Variants in USH2A observed in about 807,000 individuals in gnomAD.
The protein encoded by USH2A is usherin, also known as Usher syndrome 2A (autosomal recessive, mild).
A neutral mutation model predicts 538.9 loss-of-function variants in USH2A; 443 were observed. The ratio of observed to expected loss-of-function variants is 0.82; its 90% CI spans 0.76 to 0.89. The LOEUF is 0.89. Ranked by LOEUF, USH2A falls within the 40% of genes least tolerant of loss-of-function variation. The pLI is 0.00. For missense variants in USH2A, 6,633 were observed against 6,324.8 expected, an observed-to-expected ratio of 1.05 and a Z score of -1.65; for synonymous variants, 2,413 against 2,273.5, an observed-to-expected ratio of 1.06 and a Z score of -1.75.
intron 14 of USH2A, among the ~76,000 whole-genome samples, chr1:216,221,615 A>G (rs1488208135): frequency 6.6e-6 from 1 of 152,190 alleles, no homozygotes; most frequent in Non-Finnish European, 1.5e-5. Flanking sequence ...TGAATTTCCC[A>G]GGCACAAATA....
At chr1:215,631,011 T>C (rs551361800) in intron 70 of USH2A, among the ~76,000 whole-genome samples, 2 of 152,318 alleles carry the variant, frequency 1.3e-5, no homozygotes, top group Non-Finnish European at 2.9e-5. Flanking sequence ...TTAGCTATAC[T>C]GTATACTGTA....
At chr1:215,743,918 A>T (rs1175216821) in intron 58 of USH2A, among the ~76,000 whole-genome samples, 1 of 152,178 alleles carries the variant, frequency 6.6e-6, no homozygotes, top group Non-Finnish European at 1.5e-5. Context: ...TAGATTGTGT[A>T]TTCCAAAAGT....
At chr1:215,957,010 T>C (rs1667084203) in intron 37 of USH2A, among the ~76,000 whole-genome samples, 1 of 152,196 alleles carries the variant, frequency 6.6e-6, no homozygotes, top group African/African-American at 2.4e-5. Flanking sequence ...ATGGCCATAA[T>C]TTGTAGTCCA....
intron 4 of USH2A, among the ~76,000 whole-genome samples, chr1:216,328,683 A>G (rs1480084084): frequency 6.6e-6 from 1 of 151,962 alleles, no homozygotes; most frequent in Non-Finnish European, 1.5e-5. Flanking sequence ...GAGTGAGGAT[A>G]TGGCTGATAA....
intron 71 of USH2A, among the ~76,000 whole-genome samples, chr1:215,628,307 G>C (rs1656130691): frequency 6.6e-6 from 1 of 151,996 alleles, no homozygotes; most frequent in African/African-American, 2.4e-5. Flanking sequence ...TTTATTTTGA[G>C]ATGGAGTCTC....
At chr1:216,011,971 ATTTTTTTTTTT>A (rs36126185) in intron 32 of USH2A, among the ~76,000 whole-genome samples, 1 of 28,488 alleles carries the variant, frequency 3.5e-5, no homozygotes, top group African/African-American at 1.5e-4. Context: ...ATCACGCTTG[ATTTTTTTTTTT>A]TTTTTTTTTT....
intron 16 of USH2A, among the ~76,000 whole-genome samples, chr1:216,201,293 A>T (rs1172399965): frequency 6.7e-6 from 1 of 148,858 alleles, no homozygotes; most frequent in Non-Finnish European, 1.5e-5. Context: ...AAACCTAGGC[A>T]TTCCCAGTCT....
chr1:215,698,087 C>T (rs563503965), intron 61 of USH2A, among the ~76,000 whole-genome samples: 1 of 152,242 alleles, frequency 6.6e-6, no homozygotes, highest in African/African-American at 2.4e-5. Context: ...GTTTGGTTTT[C>T]TGTTTCTGTG....
intron 38 of USH2A, among the ~76,000 whole-genome samples, chr1:215,906,793 C>CT (rs1427939210): frequency 6.6e-6 from 1 of 151,976 alleles, no homozygotes; most frequent in African/African-American, 2.4e-5. Flanking sequence ...ATGGAGAAGT[C>CT]TTCATGTTAG....
chr1:216,016,591 T>C (rs1194929788), intron 32 of USH2A, among the ~76,000 whole-genome samples: 1 of 152,142 alleles, frequency 6.6e-6, no homozygotes, highest in South Asian at 2.1e-4. Context: ...CTCTACTGAG[T>C]TGCCCTTTTA....
chr1:216,268,132 G>A (rs11120749), intron 11 of USH2A, among the ~76,000 whole-genome samples: 2,865 of 152,036 alleles, frequency 0.019, 93 homozygotes, highest in African/African-American at 0.063. Flanking sequence ...TAAAATTGAG[G>A]GTTCTGTGGC....
chr1:215,644,789 G>T (rs935079958), intron 67 of USH2A, among the ~76,000 whole-genome samples: 1 of 152,168 alleles, frequency 6.6e-6, no homozygotes, highest in African/African-American at 2.4e-5. Context: ...GTGGAAGAGA[G>T]GATATGGGCA....
At chr1:215,892,011 T>C (rs1422231430) in intron 40 of USH2A, among the ~76,000 whole-genome samples, 4 of 152,206 alleles carry the variant, frequency 2.6e-5, no homozygotes, top group African/African-American at 9.7e-5. Context: ...AAATTATCTT[T>C]TATGGGAAAC....
chr1:215,738,162 G>T (rs1476332458), intron 60 of USH2A, among the ~76,000 whole-genome samples: 1 of 152,062 alleles, frequency 6.6e-6, no homozygotes, highest in African/African-American at 2.4e-5. Context: ...GTAGACGTAA[G>T]TGATGAGATT....
chr1:216,143,733 G>T (rs1211025397), intron 21 of USH2A, among the ~76,000 whole-genome samples: 3 of 152,146 alleles, frequency 2.0e-5, no homozygotes, highest in Non-Finnish European at 4.4e-5. Flanking sequence ...TGAAACTAAA[G>T]ACCAATTAAC....
At chr1:215,987,855 CACA>C (rs1489715218) in intron 35 of USH2A, among the ~76,000 whole-genome samples, 1 of 152,114 alleles carries the variant, frequency 6.6e-6, no homozygotes, top group Non-Finnish European at 1.5e-5. Flanking sequence ...AAGTAAATTC[CACA>C]ACAACTCAAA....
chr1:216,008,127 A>T (rs1278401474), intron 32 of USH2A, among the ~76,000 whole-genome samples: 1 of 152,154 alleles, frequency 6.6e-6, no homozygotes, highest in Non-Finnish European at 1.5e-5. Context: ...GGGAAATCTG[A>T]CTGCTATGTC....
chr1:216,228,674 A>G (rs969529303), intron 14 of USH2A, among the ~76,000 whole-genome samples: 1 of 152,166 alleles, frequency 6.6e-6, no homozygotes, highest in Non-Finnish European at 1.5e-5. Context: ...TAAGTCCCGT[A>G]AACTTCTTTC....
At chr1:215,673,979 A>G (rs1657906426) in intron 63 of USH2A, 121 bp downstream of exon 63, 1 of 1,559,066 alleles carries the variant, frequency 6.4e-7, no homozygotes, top group Non-Finnish European at 8.8e-7. Flanking sequence ...GTTTAGGTGG[A>G]TGGAGGTTGG....
Sources: allele counts gnomAD v4.1 joint callset (sites outside exome capture counted in the v4.1 genomes callset), GRCh38; gene constraint gnomAD v4.1.1; transcripts MANE v1.5; gene names NCBI Gene and HGNC (gene_info 2026-07-23, HGNC 2026-07-21).